The following GALNT13 variants were observed in gnomAD, a reference collection of about 807,000 sequenced individuals.
The protein encoded by GALNT13 is UDP-GalNAc:polypeptide N-acetylgalactosaminyltransferase 13.
GALNT13 carries 28 observed loss-of-function variants against 64.2 expected under a neutral mutation model. The observed-to-expected ratio is 0.44, with a 90% CI of 0.32 to 0.60. The LOEUF (loss-of-function observed/expected upper bound fraction) is 0.60, where lower values mean the gene tolerates loss of function less well. Ranked by LOEUF, GALNT13 falls within the 20% of genes least tolerant of loss-of-function variation. The probability of loss-of-function intolerance (pLI) is 0.05; values close to 1 mark genes in which losing one functional copy is unlikely to be tolerated. For missense variants in GALNT13, 577 were observed against 669.8 expected (o/e 0.86, Z 1.53); for synonymous variants, 214 against 224.6 (o/e 0.95, Z 0.42).
the GALNT13 span, among the ~76,000 whole-genome samples, chr2:153,075,771 A>G: frequency 6.6e-6 from 1 of 152,112 alleles, no homozygotes; most frequent in Non-Finnish European, 1.5e-5. Context: ...TTTATAGGTA[A>G]CCACCAAAAT....
At chr2:153,293,777 GTGTGTGTGTGTGTGTC>G in the GALNT13 span, among the ~76,000 whole-genome samples, 15 of 50,102 alleles carry the variant, frequency 3.0e-4, no homozygotes, top group Non-Finnish European at 4.7e-4. Context: ...GTGTGTGTGT[GTGTGTGTGTGTGTGTC>G]TGTGTGTGTG....
At chr2:153,210,277 T>C in the GALNT13 span, among the ~76,000 whole-genome samples, 1 of 152,188 alleles carries the variant, frequency 6.6e-6, no homozygotes, top group African/African-American at 2.4e-5. Flanking sequence ...GATATTAGTT[T>C]TATGTATTTT....
chr2:154,145,942 T>C (rs1683566567), intron 4 of GALNT13, among the ~76,000 whole-genome samples: 1 of 152,006 alleles, frequency 6.6e-6, no homozygotes, highest in African/African-American at 2.4e-5. Context: ...GTTCCACATC[T>C]TTTCTTTTTA....
the GALNT13 span, among the ~76,000 whole-genome samples, chr2:153,068,483 C>T: frequency 0.048 from 7,274 of 152,108 alleles, 264 homozygotes; most frequent in Non-Finnish European, 0.074. Flanking sequence ...CATCATTTTT[C>T]TATGTTTGGA....
At chr2:153,697,259 C>T in the GALNT13 span, among the ~76,000 whole-genome samples, 1 of 152,166 alleles carries the variant, frequency 6.6e-6, no homozygotes, top group South Asian at 2.1e-4. Flanking sequence ...TACAATGCCT[C>T]CTGTGGTGTC....
intron 3 of GALNT13, among the ~76,000 whole-genome samples, chr2:154,032,923 G>A (rs547536167): frequency 7.7e-4 from 92 of 119,786 alleles, no homozygotes; most frequent in Non-Finnish European, 1.3e-3. Context: ...CTAAAATCAC[G>A]TATTTGTTTT....
the GALNT13 span, among the ~76,000 whole-genome samples, chr2:153,647,629 A>C: frequency 2.0e-5 from 3 of 152,230 alleles, no homozygotes; most frequent in African/African-American, 7.2e-5. Context: ...ATCCATCTTG[A>C]ATTAATTTTT....
chr2:153,884,854 TATAC>T (rs202055710), intron 1 of GALNT13, among the ~76,000 whole-genome samples: 11,011 of 80,132 alleles, frequency 0.14, 1,374 homozygotes, highest in East Asian at 0.62. Context: ...TATATATGTA[TATAC>T]ACACACACAC....
chr2:153,181,910 TTATA>T, the GALNT13 span, among the ~76,000 whole-genome samples: 1 of 148,112 alleles, frequency 6.8e-6, no homozygotes, highest in Non-Finnish European at 1.5e-5. Context: ...TTATAAATGA[TTATA>T]TAAAGCAATC....
rs1208777095 is a variant in GALNT13, at chr2:154,110,372, G to GAGAGAC, written c.143-29959_143-29954dup. 7.1e-5 allele frequency among the ~76,000 whole-genome samples: 7 copies of GAGAGAC among 98,992 alleles called. 1 individual carries two copies. Among genetic ancestry groups the GAGAGAC allele is most frequent in the Non-Finnish European group, 9.8e-5 (5 of 50,798 alleles). The allele number at this position is 98,992 out of a possible 152,430, so 64.9% of individuals were successfully genotyped here. A position where few individuals can be genotyped will look rare whatever the true frequency, so the allele number is the denominator to read the frequency against. On this transcript the variant is annotated intron_variant, in intron 3 of 12. Coordinates refer to ENST00000392825, the MANE Select transcript of GALNT13 (RefSeq NM_052917.4). Reference sequence around the variant, plus strand: ...AGAGAGAGAGAGAGAGAGAGAGAGAGAGAGACAGAGAGAGAGAGAGAGAGA... The same window carrying GAGAGAC: ...AGAGAGAGAGAGAGAGAGAGAGAGAGAGAGACAGAGACAGAGAGAGAGAGAGAGAGA...
At chr2:153,328,536 C>T in the GALNT13 span, among the ~76,000 whole-genome samples, 1 of 152,170 alleles carries the variant, frequency 6.6e-6, no homozygotes, top group Non-Finnish European at 1.5e-5. Flanking sequence ...AGTCTGGCTA[C>T]AGTGGCTTTG....
the GALNT13 span, among the ~76,000 whole-genome samples, chr2:153,626,987 A>G: frequency 6.6e-6 from 1 of 152,132 alleles, no homozygotes; most frequent in Non-Finnish European, 1.5e-5. Flanking sequence ...GCACATGGTA[A>G]GAGGAAATTT....
intron 4 of GALNT13, among the ~76,000 whole-genome samples, chr2:154,190,290 A>T (rs1686503028): frequency 6.6e-6 from 1 of 152,230 alleles, no homozygotes; most frequent in Non-Finnish European, 1.5e-5. Context: ...AATTGTTGCT[A>T]GAATCAGAGT....
chr2:154,093,436 C>G (rs1026127151), intron 3 of GALNT13, among the ~76,000 whole-genome samples: 1 of 151,786 alleles, frequency 6.6e-6, no homozygotes, highest in Admixed American at 6.6e-5. Context: ...CTCTAATGTA[C>G]CTGCACTACA....
chr2:153,418,833 G>A, the GALNT13 span, among the ~76,000 whole-genome samples: 1 of 152,128 alleles, frequency 6.6e-6, no homozygotes, highest in Non-Finnish European at 1.5e-5. Flanking sequence ...ACTTCAGCCT[G>A]GGCGATAGAG....
rs1230418140 is a variant in GALNT13 at position 154,146,972 on chromosome 2, T to A, written c.311+6467T>A. On this transcript the variant is annotated intron_variant, in intron 4 of 12. Transcript: ENST00000392825. ...TCATGTGAAAATCAAATGATTATAA[T>A]CAAATAAAATGTGTATGCCTTTTTT... 2.0e-5 allele frequency among the ~76,000 whole-genome samples: 3 copies of A among 152,078 alleles called. No individual in the cohort carries two copies. The South Asian group carries it at 6.2e-4, about 31-fold the overall frequency.
intron 3 of GALNT13, among the ~76,000 whole-genome samples, chr2:154,056,284 A>G (rs1699889188): frequency 1.3e-5 from 2 of 152,188 alleles, no homozygotes; most frequent in African/African-American, 4.8e-5. Flanking sequence ...TCTTAAGTTG[A>G]CAATGCATTT....
At chr2:154,084,606 A>AAACAAATCT (rs1558948893) in intron 3 of GALNT13, among the ~76,000 whole-genome samples, 1 of 151,652 alleles carries the variant, frequency 6.6e-6, no homozygotes, top group Non-Finnish European at 1.5e-5. Flanking sequence ...ACTCATATTA[A>AAACAAATCT]AACAAATCTA....
chr2:154,331,749 G>A (rs1647316296), intron 9 of GALNT13, among the ~76,000 whole-genome samples: 1 of 151,992 alleles, frequency 6.6e-6, no homozygotes, highest in South Asian at 2.1e-4. Flanking sequence ...GTGGGCATCT[G>A]TCTCAGAGTA....
Sources: gnomAD v4.1 joint callset for allele counts (sites outside exome capture counted in the v4.1 genomes callset) on GRCh38, gnomAD v4.1.1 for gene constraint, MANE v1.5 for transcripts, NCBI Gene and HGNC (gene_info 2026-07-23, HGNC 2026-07-21) for gene names.